The following PLD5 variants were observed in gnomAD, a reference collection of about 807,000 sequenced individuals.
PLD5 encodes inactive phospholipase D5.
PLD5 carries 36 observed loss-of-function variants against 61.1 expected under a neutral mutation model. That is an observed-to-expected ratio of 0.59 (90% CI 0.45 to 0.78). The LOEUF is 0.78. Among genes scored for constraint, PLD5 ranks in the 30% least tolerant of loss-of-function variants. PLD5 has a pLI of 0.00. For missense variants in PLD5, 515 were observed against 644.4 expected (o/e 0.80, Z 2.17); for synonymous variants, 243 against 242.8 (o/e 1.00, Z -0.01).
chr1:242,406,780 ATTGAAC>A (rs1664256145), intron 1 of PLD5, among the ~76,000 whole-genome samples: 1 of 152,238 alleles, frequency 6.6e-6, no homozygotes, highest in Non-Finnish European at 1.5e-5. Context: ...AACCATGAAT[ATTGAAC>A]TAGGATTAGA....
At chr1:242,470,131 G>A (rs937632272) in intron 1 of PLD5, among the ~76,000 whole-genome samples, 21 of 152,088 alleles carry the variant, frequency 1.4e-4, no homozygotes, top group Non-Finnish European at 2.5e-4. Context: ...CACGAGGTCA[G>A]GAGATCGAGA....
chr1:242,493,301 C>T (rs1668230243), intron 1 of PLD5, among the ~76,000 whole-genome samples: 1 of 151,904 alleles, frequency 6.6e-6, no homozygotes, highest in Non-Finnish European at 1.5e-5. Context: ...ACTGGGAAAC[C>T]CCACAAGATG....
chr1:242,242,008 T>G (rs377128622), intron 4 of PLD5, among the ~76,000 whole-genome samples: 12,774 of 127,402 alleles, frequency 0.1, 858 homozygotes, highest in South Asian at 0.21. Flanking sequence ...TATATATATA[T>G]ATAGACACAC....
intron 1 of PLD5, among the ~76,000 whole-genome samples, chr1:242,431,511 G>T (rs2102889324): frequency 6.6e-6 from 1 of 152,292 alleles, no homozygotes; most frequent in African/African-American, 2.4e-5. Flanking sequence ...AAAATATGTG[G>T]TGCATGTGAC....
At chr1:242,106,004 C>T (rs1275586011) in intron 8 of PLD5, among the ~76,000 whole-genome samples, 4 of 152,322 alleles carry the variant, frequency 2.6e-5, no homozygotes, top group East Asian at 1.9e-4. Flanking sequence ...GGACCCCAAA[C>T]TCCTTTAACT....
At chr1:242,448,738 A>G (rs1666654621) in intron 1 of PLD5, among the ~76,000 whole-genome samples, 1 of 152,170 alleles carries the variant, frequency 6.6e-6, no homozygotes, top group Non-Finnish European at 1.5e-5. Context: ...TCATCCTGGC[A>G]ATGTTTGCTT....
rs1665009654 is a variant in PLD5 at position 242,419,396 on chromosome 1, T to TA, written c.190-71155_190-71154insT. ...GCAGTCCTGATTTTTGTTTTTTTTT[T>TA]TTTTTTTTTGGCGGGGGGAGACAGA... On this transcript the variant is annotated intron_variant, in intron 1 of 9. Transcript: ENST00000536534. Among the ~76,000 whole-genome samples the TA allele has an allele frequency of 2.7e-5, 4 of 150,264 alleles. No homozygotes were observed. The South Asian group carries it at 6.3e-4, about 24-fold the overall frequency.
chr1:242,254,951 C>A (rs370479154), intron 4 of PLD5, among the ~76,000 whole-genome samples: 3 of 152,148 alleles, frequency 2.0e-5, no homozygotes, highest in Non-Finnish European at 4.4e-5. Context: ...TTGACGGCAG[C>A]GTATAGGACA....
At chr1:242,395,083 A>ATATATGAATATATATG (rs1558528437) in intron 1 of PLD5, among the ~76,000 whole-genome samples, 34 of 114,074 alleles carry the variant, frequency 3.0e-4, no homozygotes, top group African/African-American at 1.0e-3. Flanking sequence ...ATATATATGT[A>ATATATGAATATATATG]TATATATGAA....
chr1:242,097,880 G>A (rs1558216083), intron 9 of PLD5, among the ~76,000 whole-genome samples: 1 of 152,146 alleles, frequency 6.6e-6, no homozygotes, highest in Non-Finnish European at 1.5e-5. Context: ...GTGGTTTTAG[G>A]TCTAACATTT....
chr1:242,217,150 G>A (rs1670266669), intron 5 of PLD5, among the ~76,000 whole-genome samples: 1 of 152,216 alleles, frequency 6.6e-6, no homozygotes, highest in South Asian at 2.1e-4. Context: ...GGAGATGAAT[G>A]TTGTCTACAT....
intron 3 of PLD5, among the ~76,000 whole-genome samples, chr1:242,285,284 T>C (rs1674958119): frequency 6.6e-6 from 1 of 152,234 alleles, no homozygotes; most frequent in African/African-American, 2.4e-5. Context: ...GTGGATGACT[T>C]GAGGTCAGTT....
intron 1 of PLD5, among the ~76,000 whole-genome samples, chr1:242,467,757 C>A (rs2102945133): frequency 6.6e-6 from 1 of 152,222 alleles, no homozygotes; most frequent in African/African-American, 2.4e-5. Context: ...GCATGGGAGT[C>A]CTTACTACTG....
intron 2 of PLD5, among the ~76,000 whole-genome samples, chr1:242,315,596 G>T (rs1260192457): frequency 6.6e-6 from 1 of 152,094 alleles, no homozygotes; most frequent in East Asian, 1.9e-4. Flanking sequence ...AGTGGGTATT[G>T]AGATCCTCAA....
At chr1:242,393,730 GTA>G (rs1263457669) in intron 1 of PLD5, among the ~76,000 whole-genome samples, 1 of 143,268 alleles carries the variant, frequency 7.0e-6, no homozygotes, top group Non-Finnish European at 1.5e-5. Flanking sequence ...ATATATGTGT[GTA>G]TATATGAGTA....
At chr1:242,093,923 C>T (rs567237485) in intron 9 of PLD5, among the ~76,000 whole-genome samples, 22 of 152,116 alleles carry the variant, frequency 1.4e-4, no homozygotes, top group Middle Eastern at 6.8e-3. Flanking sequence ...CAAGATCCAG[C>T]ATCTTTACTG....
At chr1:242,267,229 C>T (rs1673743238) in intron 3 of PLD5, among the ~76,000 whole-genome samples, 1 of 150,246 alleles carries the variant, frequency 6.7e-6, no homozygotes, top group African/African-American at 2.4e-5. Context: ...AACTGAAGAT[C>T]AAGACCCTGA....
chr1:242,244,146 T>C (rs1672226058), intron 4 of PLD5, among the ~76,000 whole-genome samples: 1 of 152,184 alleles, frequency 6.6e-6, no homozygotes, highest in South Asian at 2.1e-4. Context: ...AGGGAATATC[T>C]TGGGATACAG....
intron 2 of PLD5, among the ~76,000 whole-genome samples, chr1:242,298,147 T>A (rs1165847022): frequency 6.6e-6 from 1 of 152,172 alleles, no homozygotes; most frequent in Non-Finnish European, 1.5e-5. Context: ...GACAATTAGC[T>A]GCAGAGGACA....
Sources: gnomAD v4.1 joint callset for allele counts (sites outside exome capture counted in the v4.1 genomes callset) on GRCh38, gnomAD v4.1.1 for gene constraint, MANE v1.5 for transcripts, NCBI Gene and HGNC (gene_info 2026-07-23, HGNC 2026-07-21) for gene names.